RNF212B: variants seen among roughly 807,000 people sequenced by gnomAD.
The protein encoded by RNF212B is E3 ubiquitin-protein ligase RNF212B.
Under a neutral mutation model 55.5 loss-of-function variants are expected in RNF212B, and 52 were observed. The observed-to-expected ratio is 0.94, with a 90% CI of 0.75 to 1.18. RNF212B has a LOEUF of 1.18. Among genes scored for constraint, RNF212B ranks in the 50% most tolerant of loss-of-function variants. The probability of loss-of-function intolerance (pLI) is 0.00; values close to 1 mark genes in which losing one functional copy is unlikely to be tolerated. For synonymous variants in RNF212B, 99 were observed against 121.4 expected (o/e 0.82, Z 1.21); for missense variants, 289 against 350.4 (o/e 0.82, Z 1.40).
intron 4 of RNF212B, among the ~76,000 whole-genome samples, chr14:23,246,529 C>G (rs1002764326): frequency 1.3e-5 from 2 of 152,058 alleles, no homozygotes; most frequent in Admixed American, 6.6e-5. Flanking sequence ...ACTTATCCTA[C>G]TTCTTGTAAA....
intron 2 of RNF212B, among the ~76,000 whole-genome samples, chr14:23,201,635 T>C (rs1026675809): frequency 1.4e-4 from 22 of 152,194 alleles, no homozygotes; most frequent in African/African-American, 4.8e-4. Context: ...GTAATTAGGT[T>C]AGAACAAGAC....
intron 2 of RNF212B, among the ~76,000 whole-genome samples, chr14:23,206,686 A>G (rs2140379188): frequency 6.6e-6 from 1 of 152,298 alleles, no homozygotes; most frequent in African/African-American, 2.4e-5. Context: ...AAATAGCAAA[A>G]TTTACATCAT....
upstream of RNF212B, among the ~76,000 whole-genome samples, chr14:23,233,531 G>A (rs1197478171): frequency 7.4e-6 from 1 of 135,974 alleles, no homozygotes; most frequent in Admixed American, 8.1e-5. Context: ...TCTGAGACCA[G>A]CCTGGGCAAC....
intron 2 of RNF212B, among the ~76,000 whole-genome samples, chr14:23,197,699 A>G (rs1299974204): frequency 1.3e-5 from 2 of 152,058 alleles, no homozygotes; most frequent in East Asian, 3.8e-4. Flanking sequence ...ATGTATCAGA[A>G]TCCTCACCCA....
chr14:23,237,647 T>C (rs1364323484), upstream of RNF212B, among the ~76,000 whole-genome samples: 1 of 152,246 alleles, frequency 6.6e-6, no homozygotes, highest in East Asian at 1.9e-4. Context: ...TCATCGTTTA[T>C]TGGAACATTA....
At chr14:23,268,807 C>A in intron 11 of RNF212B, 117 bp from the exon 12 acceptor site, 1 of 805,796 alleles carries the variant, frequency 1.2e-6, no homozygotes, top group Non-Finnish European at 2.1e-6. Flanking sequence ...AGCCCCCAAC[C>A]CTAACCCATA....
At chr14:23,272,696 G>T (rs1886195765) in intron 14 of RNF212B, 127 bp from the exon 15 acceptor site, 1 of 689,812 alleles carries the variant, frequency 1.4e-6, no homozygotes, top group African/African-American at 1.8e-5. Context: ...ATGCAATGAA[G>T]AAAACTATGG....
chr14:23,224,174 C>G (rs115602423), intron 2 of RNF212B, among the ~76,000 whole-genome samples: 2,059 of 151,984 alleles, frequency 0.014, 47 homozygotes, highest in African/African-American at 0.047. Flanking sequence ...CCAAAGTAAT[C>G]TACAGATTCA....
chr14:23,221,233 G>GAAAAAAAAAAA (rs71119004), intron 2 of RNF212B, among the ~76,000 whole-genome samples: 5 of 116,108 alleles, frequency 4.3e-5, no homozygotes, highest in Admixed American at 8.8e-5. Context: ...CTGAAAATAG[G>GAAAAAAAAAAA]AAAAAAAAAA....
chr14:23,255,641 G>C (rs1884773808), intron 4 of RNF212B, among the ~76,000 whole-genome samples: 2 of 152,134 alleles, frequency 1.3e-5, no homozygotes, highest in Admixed American at 1.3e-4. Flanking sequence ...AAGGCAGGAG[G>C]ATTGTTTGGG....
At position 23,264,212 on chromosome 14, in the gene RNF212B, C is replaced by G. The variant is rs1449889399; in HGVS notation, c.563C>G (p.Ala188Gly). The G allele has an allele frequency of 1.9e-6, 3 of 1,549,818 alleles. No individual in the cohort carries two copies. Among genetic ancestry groups the G allele is most frequent in the Non-Finnish European group, 1.7e-6 (2 of 1,146,416 alleles). ...SSAESIPYRE[A>G]GFGSLGQGGR... ...GCGGAATCTATTCCTTATAGAGAGG[C>G]TGGCTTTGGTAGCTTGGGACAAGTA... Residue 188 changes from alanine to glycine, a missense_variant, in exon 10 of 15, where the codon GCT (alanine) becomes GGT (glycine). Coordinates refer to ENST00000430154, the MANE Select transcript of RNF212B (RefSeq NM_001282322.3).
intron 2 of RNF212B, among the ~76,000 whole-genome samples, chr14:23,208,218 C>A (rs1461409691): frequency 1.3e-5 from 2 of 152,128 alleles, no homozygotes; most frequent in East Asian, 3.9e-4. Flanking sequence ...GAGTGTGGCA[C>A]ATTTCAAAAG....
At chr14:23,249,983 C>T (rs1594932060) in intron 4 of RNF212B, among the ~76,000 whole-genome samples, 1 of 152,168 alleles carries the variant, frequency 6.6e-6, no homozygotes, top group Non-Finnish European at 1.5e-5. Context: ...CAGAGTGATA[C>T]ATAGTTACCT....
chr14:23,254,739 T>C (rs1294016811), intron 4 of RNF212B, among the ~76,000 whole-genome samples: 2 of 152,164 alleles, frequency 1.3e-5, no homozygotes, highest in Non-Finnish European at 2.9e-5. Flanking sequence ...ATAACCCACA[T>C]TGGACCAAAA....
intron 2 of RNF212B, among the ~76,000 whole-genome samples, chr14:23,221,129 A>G (rs762289735): frequency 1.2e-4 from 18 of 151,462 alleles, no homozygotes; most frequent in Admixed American, 3.9e-4. Flanking sequence ...GCTCACGCCT[A>G]TAATCCCAGC....
chr14:23,225,003 G>T (rs1200494777), intron 2 of RNF212B, among the ~76,000 whole-genome samples: 1 of 151,854 alleles, frequency 6.6e-6, no homozygotes, highest in Non-Finnish European at 1.5e-5. Flanking sequence ...ATATGAAAAG[G>T]TGCTCAACAT....
chr14:23,208,993 C>T (rs765540205), intron 2 of RNF212B, among the ~76,000 whole-genome samples: 4 of 151,892 alleles, frequency 2.6e-5, no homozygotes, highest in Admixed American at 1.3e-4. Flanking sequence ...CTCCTGACCT[C>T]GTGATCCGCC....
Position 23,193,916 on chromosome 14 carries a change from A to G in RNF212B, c.-2+515A>G, listed in dbSNP as rs551919061. On this transcript the variant is annotated intron_variant, in intron 2 of 15. Transcript: ENST00000399910. ...GAGTGCAGTGGCGCGATCTTGGCTC[A>G]CTGCAACCTCCGCCTCCTGGGTTCA... 3.3e-5 allele frequency among the ~76,000 whole-genome samples: 5 copies of G among 152,216 alleles called. No individual in the cohort carries two copies. In the South Asian group the frequency reaches 1.0e-3, roughly 32 times the overall value.
chr14:23,199,135 T>C (rs1259198030), intron 2 of RNF212B, among the ~76,000 whole-genome samples: 1 of 152,150 alleles, frequency 6.6e-6, no homozygotes, highest in Non-Finnish European at 1.5e-5. Flanking sequence ...TTTGCCAAGG[T>C]TGGGGACATG....
Sources: gnomAD v4.1 joint callset for allele counts (sites outside exome capture counted in the v4.1 genomes callset) on GRCh38, gnomAD v4.1.1 for gene constraint, MANE v1.5 for transcripts, NCBI Gene and HGNC (gene_info 2026-07-23, HGNC 2026-07-21) for gene names.